UGT2A2: variants seen among roughly 807,000 people sequenced by gnomAD.
The protein encoded by UGT2A2 is UDP-glucuronosyltransferase 2A2.
In UGT2A2, 60 loss-of-function variants were observed where a neutral mutation model predicts 50.7. The observed-to-expected ratio is 1.18, with a 90% CI of 0.96 to 1.47. The LOEUF (loss-of-function observed/expected upper bound fraction) is 1.47, where lower values mean the gene tolerates loss of function less well. UGT2A2 is among the 40% of genes most tolerant of loss of function. The probability of loss-of-function intolerance (pLI) is 0.00; values close to 1 mark genes in which losing one functional copy is unlikely to be tolerated. For synonymous variants in UGT2A2, 242 were observed against 214.6 expected, an observed-to-expected ratio of 1.13 and a Z score of -1.11; for missense variants, 762 against 634.0, an observed-to-expected ratio of 1.20 and a Z score of -2.17.
intron 1 of UGT2A2, among the ~76,000 whole-genome samples, chr4:69,608,703 A>C (rs1719836951): frequency 6.6e-6 from 1 of 151,956 alleles, no homozygotes; most frequent in South Asian, 2.1e-4. Context: ...TTTTATTATC[A>C]TTATTTTTAG....
At position 69,596,288 on chromosome 4, in the gene UGT2A2, T is replaced by A; in HGVS notation, c.985A>T (p.Asn329Tyr). The A allele has an allele frequency of 1.9e-6, 3 of 1,607,770 alleles. No individual in the cohort carries two copies. The highest frequency in any genetic ancestry group is 2.6e-6 in the Non-Finnish European group (3 of 1,176,196). Residue 329 changes from asparagine to tyrosine, a missense_variant, in exon 3 of 6, where the codon AAT (asparagine) becomes TAT (tyrosine). Transcript: ENST00000604629. ...MVKNLTEEKA[N>Y]LIASALAQIP... ...TGGGCAAGGGCTGAGGCAATAAGAT[T>A]GGCCTTTTCTTCTGTAAGGTTTTTG...
At chr4:69,611,238 T>G (rs1560477665) in intron 1 of UGT2A2, among the ~76,000 whole-genome samples, 1 of 131,130 alleles carries the variant, frequency 7.6e-6, no homozygotes, top group African/African-American at 3.0e-5. Context: ...CTCGACCTCC[T>G]GGCTTCAAGC....
intron 1 of UGT2A2, among the ~76,000 whole-genome samples, chr4:69,604,756 G>T (rs1352039830): frequency 7.3e-6 from 1 of 136,142 alleles, no homozygotes; most frequent in Admixed American, 7.3e-5. Context: ...ACAAAAAAAG[G>T]CAGGGGTTGC....
Position 69,617,972 on chromosome 4 carries a change from C to A in UGT2A2, c.743-18578G>T, listed in dbSNP as rs189251845. The stretch of plus-strand genomic sequence containing the variant: ...CTAACATTATTGTGTTCAAATATGT[C>A]TTTCGGAAATCATTCACATTTGGGA... On this transcript the variant is annotated intron_variant, in intron 1 of 5. Transcript: ENST00000604629. 9.2e-5 allele frequency among the ~76,000 whole-genome samples: 14 copies of A among 151,912 alleles called. No individual in the cohort carries two copies. The East Asian group carries it at 2.7e-3, about 30-fold the overall frequency.
chr4:69,612,147 G>A (rs6600792), intron 1 of UGT2A2, among the ~76,000 whole-genome samples: 59,981 of 151,626 alleles, frequency 0.4, 12,180 homozygotes, highest in African/African-American at 0.48. Flanking sequence ...CCTGTTTACC[G>A]AGAAACAAGA....
intron 1 of UGT2A2, among the ~76,000 whole-genome samples, chr4:69,637,508 T>C (rs1721776823): frequency 6.6e-6 from 1 of 152,138 alleles, no homozygotes; most frequent in Non-Finnish European, 1.5e-5. Context: ...TGTTCTTACC[T>C]ACTCCTAAAA....
intron 1 of UGT2A2, among the ~76,000 whole-genome samples, chr4:69,630,105 TTATATTAAAA>T (rs1474722976): frequency 3.3e-5 from 5 of 152,068 alleles, no homozygotes; most frequent in Non-Finnish European, 7.4e-5. Flanking sequence ...TATTAAAAGA[TTATATTAAAA>T]TATATAACTA....
At chr4:69,591,749 T>G (rs2017370) in intron 5 of UGT2A2, among the ~76,000 whole-genome samples, 59,256 of 151,852 alleles carry the variant, frequency 0.39, 11,818 homozygotes, top group East Asian at 0.56. Context: ...ATAATAAAAT[T>G]TAACCATCAT....
At position 69,601,218 on chromosome 4, in the gene UGT2A2, C is replaced by T. The variant is rs138013823; in HGVS notation, c.743-1824G>A. ...ACTTCTCCCTGGAACATTACCCCAA[C>T]AGCCAGAGAGCTTCCCTCTGATCCT... On this transcript the variant is annotated intron_variant, in intron 1 of 5. Coordinates refer to ENST00000604629, the MANE Select transcript of UGT2A2 (RefSeq NM_001105677.2). 2.7e-3 allele frequency among the ~76,000 whole-genome samples: 415 copies of T among 152,266 alleles called. 2 individuals are homozygous for T. The highest frequency in any genetic ancestry group is 9.0e-3 in the African/African-American group (375 of 41,546).
At chr4:69,619,475 T>C (rs920050658) in intron 1 of UGT2A2, among the ~76,000 whole-genome samples, 5 of 151,296 alleles carry the variant, frequency 3.3e-5, no homozygotes, top group African/African-American at 1.2e-4. Flanking sequence ...TAAATTGCAG[T>C]CTTACATACC....
intron 4 of UGT2A2, 107 bp downstream of exon 4, chr4:69,595,055 A>T: frequency 1.4e-6 from 2 of 1,426,568 alleles, no homozygotes; most frequent in Non-Finnish European, 1.9e-6. Context: ...TTGAGTGTCA[A>T]ATAACATTTT....
At chr4:69,601,191 G>A (rs114145407) in intron 1 of UGT2A2, among the ~76,000 whole-genome samples, 1,892 of 152,192 alleles carry the variant, frequency 0.012, 51 homozygotes, top group African/African-American at 0.044. Context: ...AGAGGCGGCT[G>A]CACTTCTCCC....
In UGT2A2 at chr4:69,595,150, CCA is replaced by C; in HGVS notation, c.1111+10_1111+11del. 6.2e-7 allele frequency: 1 copy of C among 1,613,686 alleles called. No homozygotes were observed. The highest frequency in any genetic ancestry group is 8.5e-7 in the Non-Finnish European group (1 of 1,179,818). On this transcript the variant is annotated intron_variant, in intron 4 of 5. Transcript: ENST00000604629. ...GTCCCACTGTACAGCTTTTCTTTCC[CCA>C]CAGTCTTACCAAGAAGATCATTCTG...
chr4:69,619,135 T>C (rs1314112119), intron 1 of UGT2A2, among the ~76,000 whole-genome samples: 1 of 151,942 alleles, frequency 6.6e-6, no homozygotes, highest in African/African-American at 2.4e-5. Context: ...ATGTGCTTCA[T>C]GCCTACAATC....
Position 69,627,536 on chromosome 4 carries a change from GAGAGAGAGAGAA to G in UGT2A2, c.742+11351_742+11362del, listed in dbSNP as rs1199615321. Among the ~76,000 whole-genome samples the G allele has an allele frequency of 7.6e-3, 984 of 129,296 alleles. 9 individuals carry two copies. Among genetic ancestry groups the G allele is most frequent in the African/African-American group, 0.02 (705 of 36,068 alleles). 84.8% of individuals were successfully genotyped at this position (129,296 alleles called of 152,430 possible). ...AAGAAAGAAAGAAGAAAGAAAGAAA[GAGAGAGAGAGAA>G]AGAGAGAGAGAGAGAGAGAAAGAAA... On this transcript the variant is annotated intron_variant, in intron 1 of 5. Transcript: ENST00000604629.
chr4:69,602,463 TTATCTATCTATCTATCTATC>T (rs71206000), intron 1 of UGT2A2, among the ~76,000 whole-genome samples: 3 of 100,830 alleles, frequency 3.0e-5, no homozygotes, highest in Non-Finnish European at 4.4e-5. Flanking sequence ...ATTTAGGAGT[TTATCTATCTATCTATCTATC>T]TATCTATCTA....
intron 5 of UGT2A2, among the ~76,000 whole-genome samples, chr4:69,592,013 C>A (rs1311682819): frequency 2.0e-5 from 3 of 152,042 alleles, no homozygotes; most frequent in Admixed American, 6.6e-5. Context: ...GGATGGGGAG[C>A]AAAAGTGGAC....
At chr4:69,605,024 A>T (rs1205234189) in intron 1 of UGT2A2, among the ~76,000 whole-genome samples, 6 of 136,164 alleles carry the variant, frequency 4.4e-5, no homozygotes, top group Admixed American at 3.6e-4. Flanking sequence ...AGACAGAAAG[A>T]TAACAAGTAT....
intron 5 of UGT2A2, among the ~76,000 whole-genome samples, chr4:69,593,266 C>T (rs565393287): frequency 1.2e-4 from 18 of 151,920 alleles, no homozygotes; most frequent in Non-Finnish European, 2.2e-4. Flanking sequence ...TCTAATTCAA[C>T]GGTGAACACT....
Sources: gnomAD v4.1 joint callset for allele counts (sites outside exome capture counted in the v4.1 genomes callset) on GRCh38, gnomAD v4.1.1 for gene constraint, MANE v1.5 for transcripts, NCBI Gene and HGNC (gene_info 2026-07-23, HGNC 2026-07-21) for gene names.